The following DISC1 variants were observed in gnomAD, a reference collection of about 807,000 sequenced individuals.
DISC1 encodes disrupted in schizophrenia 1 protein.
In DISC1, 57 loss-of-function variants were observed where a neutral mutation model predicts 84.5. The observed-to-expected ratio is 0.67, with a 90% CI of 0.55 to 0.84. DISC1 has a LOEUF of 0.84. DISC1 is among the 40% of genes least tolerant of loss of function. DISC1 has a pLI of 0.00. For missense variants in DISC1, 1,000 were observed against 1,057.8 expected (o/e 0.95, Z 0.76); for synonymous variants, 411 against 415.2 (o/e 0.99, Z 0.12).
chr1:231,655,465 A>G (rs2060979067), intron 1 of DISC1, among the ~76,000 whole-genome samples: 6 of 152,186 alleles, frequency 3.9e-5, no homozygotes. Flanking sequence ...TCCATGGTGT[A>G]TATATACCAC....
At chr1:231,823,245 A>G (rs2081624327) in intron 9 of DISC1, among the ~76,000 whole-genome samples, 1 of 151,784 alleles carries the variant, frequency 6.6e-6, no homozygotes, top group East Asian at 2.0e-4. Flanking sequence ...AAACTGATGA[A>G]AAAGTAGAAC....
chr1:231,812,248 G>C (rs2080380112), intron 8 of DISC1, among the ~76,000 whole-genome samples: 2 of 152,006 alleles, frequency 1.3e-5, no homozygotes, highest in African/African-American at 2.4e-5. Flanking sequence ...GTAGAGATGG[G>C]GGTCTTGCTA....
At chr1:231,981,441 C>T (rs1663593333) in intron 10 of DISC1, among the ~76,000 whole-genome samples, 1 of 152,164 alleles carries the variant, frequency 6.6e-6, no homozygotes, top group African/African-American at 2.4e-5. Context: ...AATCACCATG[C>T]AGATCCCCTG....
intron 12 of DISC1, among the ~76,000 whole-genome samples, chr1:232,036,483 C>A (rs963181121): frequency 2.6e-5 from 4 of 152,112 alleles, no homozygotes; most frequent in Non-Finnish European, 5.9e-5. Context: ...AGAGTCAATA[C>A]CTCAGGCATT....
At chr1:231,866,938 A>G (rs971197753) in intron 9 of DISC1, among the ~76,000 whole-genome samples, 4 of 152,256 alleles carry the variant, frequency 2.6e-5, no homozygotes, top group African/African-American at 9.6e-5. Context: ...CAAAAGAAAG[A>G]TGCCATTTCT....
intron 8 of DISC1, among the ~76,000 whole-genome samples, chr1:231,809,670 G>A (rs1316961713): frequency 6.6e-6 from 1 of 152,016 alleles, no homozygotes; most frequent in Non-Finnish European, 1.5e-5. Flanking sequence ...TGCTTTTGGG[G>A]AAAATAAGAA....
intron 11 of DISC1, among the ~76,000 whole-genome samples, chr1:232,018,287 C>G (rs1282243397): frequency 1.3e-5 from 2 of 152,112 alleles, no homozygotes; most frequent in African/African-American, 2.4e-5. Flanking sequence ...AATATAAGCT[C>G]CAGTTCTAAA....
At chr1:231,644,750 CCTT>C (rs761542865) in intron 1 of DISC1, among the ~76,000 whole-genome samples, 1 of 152,108 alleles carries the variant, frequency 6.6e-6, no homozygotes. Flanking sequence ...TCTGTCCTCT[CCTT>C]CTCCTTTGTT....
At chr1:231,836,798 TA>T in intron 9 of DISC1, among the ~76,000 whole-genome samples, 1 of 152,306 alleles carries the variant, frequency 6.6e-6, no homozygotes, top group African/African-American at 2.4e-5. Flanking sequence ...GTGCTCTGGA[TA>T]AAGTGCGCTA....
intron 8 of DISC1, among the ~76,000 whole-genome samples, chr1:231,817,242 G>T (rs866576971): frequency 1.3e-5 from 2 of 152,090 alleles, no homozygotes; most frequent in Non-Finnish European, 2.9e-5. Context: ...TTACCACTGT[G>T]CCAGATTAAT....
chr1:231,785,943 A>G (rs1223555829), intron 6 of DISC1, among the ~76,000 whole-genome samples: 1 of 152,194 alleles, frequency 6.6e-6, no homozygotes, highest in East Asian at 1.9e-4. Context: ...ACTTAGTGTA[A>G]AAAATGACAT....
intron 1 of DISC1, among the ~76,000 whole-genome samples, chr1:231,636,273 G>T (rs1165639975): frequency 6.6e-6 from 1 of 152,170 alleles, no homozygotes; most frequent in Non-Finnish European, 1.5e-5. Flanking sequence ...TTTCTCCTCT[G>T]TAGGGTGGCA....
intron 8 of DISC1, among the ~76,000 whole-genome samples, chr1:231,816,935 C>T (rs1321845184): frequency 6.6e-6 from 1 of 151,906 alleles, no homozygotes; most frequent in African/African-American, 2.4e-5. Context: ...TTCCCTCCCT[C>T]CCTCTTTCAC....
intron 7 of DISC1, among the ~76,000 whole-genome samples, chr1:231,799,239 T>C (rs2078996608): frequency 6.6e-6 from 1 of 151,822 alleles, no homozygotes; most frequent in Non-Finnish European, 1.5e-5. Context: ...TCACTGAGAG[T>C]TACTTGTCTA....
Position 232,009,144 on chromosome 1 carries a change from C to T in DISC1, c.2307+95C>T, listed in dbSNP as rs551220490. 10 of 1,569,640 alleles carry T rather than the reference C, an allele frequency of 6.4e-6. No individual in the cohort carries two copies. The South Asian group carries it at 1.1e-4, about 17-fold the overall frequency. On this transcript the variant is annotated intron_variant, in intron 11 of 12. Coordinates refer to ENST00000439617, the MANE Select transcript of DISC1 (RefSeq NM_018662.3). This position sits in a 1 kb window ranked among gnomAD's most constrained non-coding sequence, Gnocchi z 4.6. ...ATGGGAACAATAAATATTGGGAAGGCTTCCCATTGAGCATATAAACTTTTA... is the reference window on the plus strand; with the variant it reads ...ATGGGAACAATAAATATTGGGAAGGTTTCCCATTGAGCATATAAACTTTTA...
intron 9 of DISC1, among the ~76,000 whole-genome samples, chr1:231,940,237 G>A (rs561951221): frequency 1.6e-4 from 25 of 152,188 alleles, no homozygotes; most frequent in Non-Finnish European, 3.2e-4. Context: ...CAGTTTGCAC[G>A]GTTCTTGAGG....
chr1:231,715,103 C>G (rs1237351875), intron 3 of DISC1, among the ~76,000 whole-genome samples: 2 of 152,198 alleles, frequency 1.3e-5, no homozygotes. Context: ...GGGTTAGGTG[C>G]TGACTCCTTG....
At chr1:231,671,132 A>AGG (rs2062581383) in intron 1 of DISC1, among the ~76,000 whole-genome samples, 2 of 152,244 alleles carry the variant, frequency 1.3e-5, no homozygotes, top group Middle Eastern at 3.4e-3. Context: ...TGATTTTACC[A>AGG]GGACATCTTG....
At position 232,040,985 on chromosome 1, in the gene DISC1, G is replaced by A. The variant is rs1467538932; in HGVS notation, c.*4154G>A. ...GGAGAAAAGCAACCATGCATTTACT[G>A]GTCAATGCCTTCTTGTATATGTAAT... On this transcript the variant is annotated 3_prime_UTR_variant, in exon 13 of 13. Coordinates refer to ENST00000439617, the MANE Select transcript of DISC1 (RefSeq NM_018662.3). The A allele has an allele frequency of 6.6e-6, 1 of 152,060 alleles. No homozygotes were observed. Among genetic ancestry groups the A allele is most frequent in the Non-Finnish European group, 1.5e-5 (1 of 68,004 alleles). The allele number at this position is 152,060 out of a possible 1,614,324, so 9.4% of individuals were successfully genotyped here.
Sources: gnomAD v4.1 joint callset for allele counts (sites outside exome capture counted in the v4.1 genomes callset) on GRCh38, gnomAD v4.1.1 for gene constraint, Gnocchi (gnomAD v3.1) non-coding constraint, MANE v1.5 for transcripts, NCBI Gene and HGNC (gene_info 2026-07-23, HGNC 2026-07-21) for gene names.